SEMA3A: variants seen among roughly 807,000 people sequenced by gnomAD.
SEMA3A encodes the protein semaphorin-3A.
In SEMA3A, 29 loss-of-function variants were observed where a neutral mutation model predicts 97.9. The ratio of observed to expected loss-of-function variants is 0.30; its 90% CI spans 0.22 to 0.40. The LOEUF (loss-of-function observed/expected upper bound fraction) is 0.40. Among genes scored for constraint, SEMA3A ranks in the 10% least tolerant of loss-of-function variants. The pLI is 1.00. For missense variants in SEMA3A, 763 were observed against 951.3 expected (o/e 0.80, Z 2.60); for synonymous variants, 321 against 323.7 (o/e 0.99, Z 0.09).
At chr7:84,300,537 A>G (rs1306181567) in intron 3 of SEMA3A, among the ~76,000 whole-genome samples, 1 of 152,156 alleles carries the variant, frequency 6.6e-6, no homozygotes, top group African/African-American at 2.4e-5. Context: ...TACTACACAT[A>G]TGGCTTAAAA....
chr7:84,429,288 C>G (rs1480885235), intron 1 of SEMA3A, among the ~76,000 whole-genome samples: 1 of 151,486 alleles, frequency 6.6e-6, no homozygotes, highest in Non-Finnish European at 1.5e-5. Context: ...CTTACCTATA[C>G]AGATACTTCA....
At chr7:83,981,589 TA>T in intron 13 of SEMA3A, 111 bp from the exon 14 acceptor site, 2 of 956,416 alleles carry the variant, frequency 2.1e-6, no homozygotes, top group Non-Finnish European at 2.9e-6. Context: ...ATTAAGGGTT[TA>T]AAAAAATCAT....
chr7:84,434,859 G>T (rs1005197511), intron 1 of SEMA3A, among the ~76,000 whole-genome samples: 2 of 152,098 alleles, frequency 1.3e-5, no homozygotes. Flanking sequence ...AGGAATATAT[G>T]TCAAAATATT....
At chr7:84,181,322 A>G (rs1797731001) in intron 1 of SEMA3A, among the ~76,000 whole-genome samples, 1 of 110,162 alleles carries the variant, frequency 9.1e-6, no homozygotes, top group Admixed American at 8.7e-5. Context: ...TGTTACAAAT[A>G]TATATATATA....
chr7:84,280,888 T>C (rs1309649666), intron 3 of SEMA3A, among the ~76,000 whole-genome samples: 6 of 152,168 alleles, frequency 3.9e-5, no homozygotes, highest in African/African-American at 1.2e-4. Context: ...ACATAGTATA[T>C]CATTGAATTT....
At chr7:84,122,283 T>A (rs946498696) in intron 3 of SEMA3A, among the ~76,000 whole-genome samples, 2 of 151,988 alleles carry the variant, frequency 1.3e-5, no homozygotes, top group Non-Finnish European at 2.9e-5. Flanking sequence ...AACAGACACT[T>A]CTCAAAAGAA....
chr7:84,157,545 T>C (rs1796881997), intron 1 of SEMA3A, among the ~76,000 whole-genome samples: 1 of 152,240 alleles, frequency 6.6e-6, no homozygotes. Context: ...TGTTCTTATC[T>C]ACTTTGTTTG....
intron 5 of SEMA3A, among the ~76,000 whole-genome samples, chr7:84,054,903 T>A (rs1792881274): frequency 6.6e-6 from 1 of 151,672 alleles, no homozygotes; most frequent in Non-Finnish European, 1.5e-5. Flanking sequence ...CCTTTCTGTT[T>A]GTTAGTTTTC....
chr7:83,980,377 C>A (rs1432978060), intron 14 of SEMA3A, among the ~76,000 whole-genome samples: 2 of 151,658 alleles, frequency 1.3e-5, no homozygotes, highest in Non-Finnish European at 2.9e-5. Context: ...AAGGCCAAGG[C>A]ATGAGGATCA....
chr7:84,467,039 A>T lies in SEMA3A; in HGVS notation c.-246+25421T>A, dbSNP rs542408306. ...TGATGATTCAGTATGTCAGTTTTAA[A>T]TTTAACTTTTTCGGGATTTTGGTAT... On this transcript the variant is annotated intron_variant, in intron 1 of 3. Transcript: ENST00000424555. Among the ~76,000 whole-genome samples the T allele has an allele frequency of 5.9e-4, 90 of 152,284 alleles. No homozygotes were observed. In the Middle Eastern group the frequency reaches 0.01, roughly 17 times the overall value.
intron 1 of SEMA3A, among the ~76,000 whole-genome samples, chr7:84,464,002 C>G (rs1477124470): frequency 6.6e-6 from 1 of 152,132 alleles, no homozygotes; most frequent in Non-Finnish European, 1.5e-5. Flanking sequence ...AGGTCCTGGG[C>G]ATGGCTGATG....
chr7:84,441,899 A>T (rs2116342068), intron 1 of SEMA3A, among the ~76,000 whole-genome samples: 1 of 152,324 alleles, frequency 6.6e-6, no homozygotes, highest in African/African-American at 2.4e-5. Context: ...CAAAAAACAA[A>T]CAAAACAAAA....
chr7:84,405,597 T>C (rs1804057545), intron 1 of SEMA3A, among the ~76,000 whole-genome samples: 1 of 152,168 alleles, frequency 6.6e-6, no homozygotes, highest in Non-Finnish European at 1.5e-5. Context: ...TATGCATTCT[T>C]TGCAGCACCA....
chr7:84,108,092 T>C (rs1050589659), intron 4 of SEMA3A, among the ~76,000 whole-genome samples: 5 of 152,172 alleles, frequency 3.3e-5, no homozygotes, highest in Admixed American at 1.3e-4. Context: ...AAAATATTTA[T>C]AGTTTCTAAT....
chr7:83,977,853 A>AAGTGC (rs1368604059), intron 14 of SEMA3A, among the ~76,000 whole-genome samples: 84 of 145,368 alleles, frequency 5.8e-4, no homozygotes, highest in African/African-American at 2.1e-3. Context: ...GCCCAGGCTG[A>AAGTGC]AGTGCAGTGG....
chr7:84,383,162 T>A (rs891599916), intron 1 of SEMA3A, among the ~76,000 whole-genome samples: 3 of 152,112 alleles, frequency 2.0e-5, no homozygotes, highest in Non-Finnish European at 4.4e-5. Context: ...TTAATTTTAA[T>A]AATGAACTGG....
chr7:84,210,920 T>A (rs149065146), intron 3 of SEMA3A, among the ~76,000 whole-genome samples: 238 of 151,804 alleles, frequency 1.6e-3, no homozygotes, highest in East Asian at 5.2e-3. Flanking sequence ...CAAATAATAT[T>A]TTTTTTTAAT....
Position 83,981,327 on chromosome 7 carries a change from G to A in SEMA3A, c.1646C>T (p.Ala549Val). ...GSACSRYFPTAKRRTRRQDIR... is the reference protein window; with the variant it reads ...GSACSRYFPTVKRRTRRQDIR... Reference sequence around the variant, plus strand: ...TTTTGAATATTTTTCCTACCTCTTTGCAGTGGGAAAATAGCGAGAACATGC... The same window carrying A: ...TTTTGAATATTTTTCCTACCTCTTTACAGTGGGAAAATAGCGAGAACATGC... Residue 549 changes from alanine to valine, a missense_variant, in exon 14 of 17, where the codon GCA becomes GTA. Ala to Val is a moderately conservative substitution (Grantham distance 64). Around this residue, in one of 2 missense-constraint regions of SEMA3A, gnomAD observed 678 missense variants for 881.3 expected, o/e 0.77. Coordinates refer to ENST00000265362, the MANE Select transcript of SEMA3A (RefSeq NM_006080.3). 6.2e-7 allele frequency: 1 copy of A among 1,613,764 alleles called. No individual in the cohort carries two copies.
intron 6 of SEMA3A, among the ~76,000 whole-genome samples, chr7:84,023,803 G>T (rs1791425058): frequency 6.6e-6 from 1 of 152,064 alleles, no homozygotes; most frequent in African/African-American, 2.4e-5. Context: ...GAGGTCAGGA[G>T]ATCGAGACCA....
Sources: gnomAD v4.1 joint callset for allele counts (sites outside exome capture counted in the v4.1 genomes callset) on GRCh38, gnomAD v4.1.1 for gene constraint, gnomAD v4.1.1 regional missense constraint, MANE v1.5 for transcripts, NCBI Gene and HGNC (gene_info 2026-07-23, HGNC 2026-07-21) for gene names.